CSMD2: variants seen among roughly 807,000 people sequenced by gnomAD.
CSMD2 encodes CUB and Sushi multiple domains 2.
Under a neutral mutation model 398.5 loss-of-function variants are expected in CSMD2, and 130 were observed. That is an observed-to-expected ratio of 0.33 (90% CI 0.28 to 0.38). CSMD2 has a LOEUF of 0.38. Among genes scored for constraint, CSMD2 ranks in the 10% least tolerant of loss-of-function variants. The pLI, the probability that CSMD2 is intolerant of heterozygous loss-of-function variation, is 1.00. For synonymous variants in CSMD2, 1,828 were observed against 1,908.5 expected (o/e 0.96, Z 1.10); for missense variants, 3,829 against 4,764.9 (o/e 0.80, Z 5.78).
In CSMD2 at chr1:33,819,703, G is replaced by T; in HGVS notation, c.1324+10C>A. 6.2e-7 allele frequency: 1 copy of T among 1,611,956 alleles called. No individual in the cohort carries two copies. The highest frequency in any genetic ancestry group is 8.5e-7 in the Non-Finnish European group (1 of 1,179,482). ...CTCTGGCCAGCCTCCCTTCCCCAGGGCACCCTCACCTCGGCAGACTGGCCT... is the reference window on the plus strand; with the variant it reads ...CTCTGGCCAGCCTCCCTTCCCCAGGTCACCCTCACCTCGGCAGACTGGCCT... On this transcript the variant is annotated intron_variant, in intron 9 of 70. Coordinates refer to ENST00000373381, the MANE Select transcript of CSMD2 (RefSeq NM_001281956.2).
chr1:33,908,063 C>T (rs556681486), intron 5 of CSMD2, among the ~76,000 whole-genome samples: 1 of 122,458 alleles, frequency 8.2e-6, no homozygotes, highest in Non-Finnish European at 1.6e-5. Context: ...TCCAGCCTGG[C>T]TGACAGAGCA....
intron 12 of CSMD2, among the ~76,000 whole-genome samples, chr1:33,785,063 C>T (rs924524294): frequency 6.6e-6 from 1 of 152,230 alleles, no homozygotes; most frequent in Admixed American, 6.5e-5. Flanking sequence ...CCCAGACTGT[C>T]CTTCCTAATT....
intron 58 of CSMD2, 90 bp downstream of exon 58, chr1:33,542,630 C>T (rs191811379): frequency 5.7e-6 from 7 of 1,221,354 alleles, no homozygotes; most frequent in Admixed American, 4.7e-5. Flanking sequence ...CCCAACCATT[C>T]TGCACCATCT....
At chr1:33,974,866 C>G (rs956666212) in intron 3 of CSMD2, among the ~76,000 whole-genome samples, 1 of 152,210 alleles carries the variant, frequency 6.6e-6, no homozygotes, top group Admixed American at 6.5e-5. Context: ...CTGGCCCCTT[C>G]TACAAGAGCA....
At chr1:34,024,094 T>C (rs1382271389) in intron 3 of CSMD2, among the ~76,000 whole-genome samples, 1 of 152,258 alleles carries the variant, frequency 6.6e-6, no homozygotes, top group African/African-American at 2.4e-5. Context: ...AGGGTTTGGA[T>C]CCACATCTCC....
chr1:33,549,741 C>A (rs889108087), intron 56 of CSMD2, among the ~76,000 whole-genome samples: 3 of 152,066 alleles, frequency 2.0e-5, no homozygotes, highest in Non-Finnish European at 2.9e-5. Flanking sequence ...GAGTCTGAAA[C>A]AGAGAAGAAA....
chr1:33,970,299 G>T (rs1645712689), intron 3 of CSMD2, among the ~76,000 whole-genome samples: 1 of 152,110 alleles, frequency 6.6e-6, no homozygotes, highest in Non-Finnish European at 1.5e-5. Context: ...GGCAATAGCA[G>T]GCCCCATGTG....
intron 4 of CSMD2, among the ~76,000 whole-genome samples, chr1:33,921,820 A>G (rs946800799): frequency 2.0e-5 from 3 of 152,132 alleles, no homozygotes; most frequent in Admixed American, 6.5e-5. Context: ...CCTATTTTAG[A>G]AAGATGATTT....
At chr1:33,536,141 C>T (rs1655751138) in intron 62 of CSMD2, among the ~76,000 whole-genome samples, 1 of 152,174 alleles carries the variant, frequency 6.6e-6, no homozygotes, top group South Asian at 2.1e-4. Flanking sequence ...CTGTCATGTC[C>T]AGGTGAGTCC....
chr1:33,718,580 GT>G (rs1646251894), intron 19 of CSMD2, among the ~76,000 whole-genome samples: 1 of 152,176 alleles, frequency 6.6e-6, no homozygotes, highest in Non-Finnish European at 1.5e-5. Flanking sequence ...TCTACTCAAA[GT>G]ATGGTCCATG....
intron 5 of CSMD2, among the ~76,000 whole-genome samples, chr1:33,878,732 G>A (rs1385710310): frequency 2.0e-5 from 3 of 152,216 alleles, no homozygotes. Flanking sequence ...GTCCAAGATT[G>A]TCACAAATGG....
chr1:33,951,156 C>A (rs1319709003), intron 3 of CSMD2, among the ~76,000 whole-genome samples: 1 of 152,236 alleles, frequency 6.6e-6, no homozygotes, highest in African/African-American at 2.4e-5. Flanking sequence ...GCACACATCT[C>A]CAGGGCTGGA....
intron 21 of CSMD2, among the ~76,000 whole-genome samples, chr1:33,710,341 T>C (rs1475776678): frequency 6.6e-6 from 1 of 152,224 alleles, no homozygotes; most frequent in Non-Finnish European, 1.5e-5. Flanking sequence ...AGGGTCATGC[T>C]GGATGAATCT....
Position 33,724,332 on chromosome 1 carries a change from G to A in CSMD2, c.2885-19C>T, listed in dbSNP as rs1646454576. 4 of 1,590,766 alleles carry A rather than the reference G, an allele frequency of 2.5e-6. No individual in the cohort carries two copies. Among genetic ancestry groups the A allele is most frequent in the Non-Finnish European group, 3.4e-6 (4 of 1,159,532 alleles). ...CAGAGAGCTACAGAAGGAGTGAAGA[G>A]GGCAGTGAAAGACCAGAGGGCCTCA... On this transcript the variant is annotated intron_variant, in intron 18 of 70. Transcript: ENST00000373381.
chr1:33,598,104 TGGTTAACTCTCAG>T (rs148487939), intron 44 of CSMD2, among the ~76,000 whole-genome samples: 14,214 of 152,212 alleles, frequency 0.093, 839 homozygotes, highest in Non-Finnish European at 0.14. Flanking sequence ...TACAGGATCA[TGGTTAACTCTCAG>T]GGTAGGGTAG....
intron 25 of CSMD2, among the ~76,000 whole-genome samples, chr1:33,671,736 G>C (rs1484559498): frequency 6.6e-6 from 1 of 152,112 alleles, no homozygotes; most frequent in African/African-American, 2.4e-5. Flanking sequence ...TCAGCAACAG[G>C]AGATTTTCTA....
intron 3 of CSMD2, among the ~76,000 whole-genome samples, chr1:33,980,381 T>TGAGG (rs1390963631): frequency 5.9e-5 from 9 of 152,132 alleles, no homozygotes; most frequent in African/African-American, 1.9e-4. Flanking sequence ...TCCTAACAGG[T>TGAGG]TTCCTAGTAG....
At position 33,636,380 on chromosome 1, in the gene CSMD2, T is replaced by C. The variant is rs1026180043; in HGVS notation, c.4949A>G (p.Asn1650Ser). The C allele has an allele frequency of 1.9e-6, 3 of 1,611,514 alleles. No individual in the cohort carries two copies. In the African/African-American group the frequency reaches 4.0e-5, roughly 22 times the overall value. ...LGPDGKPVWN[N>S]PRPVCTAPCG... ...ACCACCTGTGCAGACTGGCCGGGGA[T>C]TGTTCCACACGGGCTTCCCATCAGG... The change falls in exon 30 of 71, where the codon AAT becomes AGT. Residue 1650 changes from asparagine (N) to serine (S), a missense_variant. Coordinates refer to ENST00000373381, the MANE Select transcript of CSMD2 (RefSeq NM_001281956.2). The surrounding 1 kb of genome is among the most constrained non-coding windows in gnomAD (Gnocchi z 4.8).
At chr1:34,070,194 G>A (rs1017818314) in intron 2 of CSMD2, among the ~76,000 whole-genome samples, 3 of 152,232 alleles carry the variant, frequency 2.0e-5, no homozygotes, top group African/African-American at 7.2e-5. Flanking sequence ...ACTGGAGGAA[G>A]AGTGCAGTGG....
Sources: allele counts gnomAD v4.1 joint callset (sites outside exome capture counted in the v4.1 genomes callset), GRCh38; gene constraint gnomAD v4.1.1; non-coding constraint Gnocchi (gnomAD v3.1); transcripts MANE v1.5; gene names NCBI Gene and HGNC (gene_info 2026-07-23, HGNC 2026-07-21).